LRRC8C: variants seen among roughly 807,000 people sequenced by gnomAD.
The protein encoded by LRRC8C is volume-regulated anion channel subunit LRRC8C.
Under a neutral mutation model 55.3 loss-of-function variants are expected in LRRC8C, and 20 were observed. That is an observed-to-expected ratio of 0.36 (90% CI 0.25 to 0.53). The LOEUF is 0.53. Ranked by LOEUF, LRRC8C falls within the 20% of genes least tolerant of loss-of-function variation. The probability of loss-of-function intolerance (pLI) is 0.92; values close to 1 mark genes in which losing one functional copy is unlikely to be tolerated. For missense variants in LRRC8C, 659 were observed against 951.4 expected (o/e 0.69, Z 4.04); for synonymous variants, 376 against 360.7 (o/e 1.04, Z -0.48).
In LRRC8C at chr1:89,715,305, T is replaced by A. The variant is rs1309511549; in HGVS notation, c.*323T>A. 5.7e-6 allele frequency: 1 copy of A among 175,672 alleles called. No individual in the cohort carries two copies. Among genetic ancestry groups the A allele is most frequent in the Non-Finnish European group, 1.2e-5 (1 of 84,428 alleles). 10.9% of individuals were successfully genotyped at this position (175,672 alleles called of 1,614,324 possible). A position where few individuals can be genotyped will look rare whatever the true frequency, so the allele number is the denominator to read the frequency against. ...AAGTTGCATGCTTTTTGGCATTTTT[T>A]AAATAGAGGAAGATATTTTGCCAAG... On this transcript the variant is annotated 3_prime_UTR_variant, in exon 3 of 3. Transcript: ENST00000370454.
chr1:89,656,198 A>T (rs71666224), intron 1 of LRRC8C, among the ~76,000 whole-genome samples: 3,363 of 152,264 alleles, frequency 0.022, 119 homozygotes, highest in Admixed American at 0.1. Context: ...TGTTTATCTC[A>T]CAGATTGCAG....
chr1:89,696,838 C>G (rs1349649916), intron 2 of LRRC8C, among the ~76,000 whole-genome samples: 1 of 152,052 alleles, frequency 6.6e-6, no homozygotes, highest in Non-Finnish European at 1.5e-5. Flanking sequence ...GTCTTTTCTC[C>G]CCAGAGATCA....
chr1:89,618,186 C>T, the LRRC8C span, among the ~76,000 whole-genome samples: 4 of 152,278 alleles, frequency 2.6e-5, no homozygotes, highest in South Asian at 8.3e-4. Context: ...TTCTGGTAAC[C>T]AGCCTCTGTC....
In LRRC8C at chr1:89,714,587, G is replaced by A; in HGVS notation, c.2017G>A (p.Glu673Lys). The stretch of plus-strand genomic sequence containing the variant: ...CCTGTCCTTTAGTCACAATAAAATA[G>A]AGGTGCTGCCTTCCCACCTCTTCCT... ...ERLSFSHNKI[E>K]VLPSHLFLCN... Residue 673 changes from glutamate to lysine, a missense_variant, in exon 3 of 3, where the codon GAG (glutamate) becomes AAG (lysine). By Grantham distance (56) the Glu-to-Lys change is moderately conservative (BLOSUM62 1). Transcript: ENST00000370454. This position sits in a 1 kb window ranked among gnomAD's most constrained non-coding sequence, Gnocchi z 4.6. 1 of 1,614,076 alleles carries A rather than the reference G, an allele frequency of 6.2e-7. No homozygotes were observed. The highest frequency in any genetic ancestry group is 1.1e-5 in the South Asian group (1 of 91,070).
chr1:89,633,963 T>A (rs923570197), intron 1 of LRRC8C, among the ~76,000 whole-genome samples: 1 of 152,132 alleles, frequency 6.6e-6, no homozygotes, highest in Non-Finnish European at 1.5e-5. Context: ...ATCTTTCCCT[T>A]TCCAGCTGGT....
At chr1:89,684,731 A>G (rs1657822139) in intron 1 of LRRC8C, among the ~76,000 whole-genome samples, 1 of 152,242 alleles carries the variant, frequency 6.6e-6, no homozygotes, top group South Asian at 2.1e-4. Flanking sequence ...AAAGTAATGT[A>G]TTGAGCTTTT....
intron 1 of LRRC8C, among the ~76,000 whole-genome samples, chr1:89,640,454 C>G (rs1025754524): frequency 2.6e-5 from 4 of 152,192 alleles, no homozygotes; most frequent in Non-Finnish European, 5.9e-5. Flanking sequence ...AAACTAGAAA[C>G]TGGCTCAAAT....
chr1:89,670,429 A>AT (rs999301509), intron 1 of LRRC8C, among the ~76,000 whole-genome samples: 1 of 151,680 alleles, frequency 6.6e-6, no homozygotes, highest in Non-Finnish European at 1.5e-5. Flanking sequence ...TGTTCTTGCC[A>AT]TTTTTTTTCT....
At chr1:89,687,174 A>G (rs1657907114) in intron 2 of LRRC8C, among the ~76,000 whole-genome samples, 1 of 152,244 alleles carries the variant, frequency 6.6e-6, no homozygotes, top group South Asian at 2.1e-4. Flanking sequence ...ACATGGATAC[A>G]TATAAGTAGT....
At chr1:89,699,556 C>A (rs1342185168) in intron 2 of LRRC8C, among the ~76,000 whole-genome samples, 1 of 152,112 alleles carries the variant, frequency 6.6e-6, no homozygotes, top group Non-Finnish European at 1.5e-5. Flanking sequence ...TTTAAAAAGT[C>A]TTTTTAAAAA....
chr1:89,714,579 A>G lies in LRRC8C; in HGVS notation c.2009A>G (p.Asn670Ser). ...TSLERLSFSH[N>S]KIEVLPSHLF... ...CTGGAACGCCTGTCCTTTAGTCACA[A>G]TAAAATAGAGGTGCTGCCTTCCCAC... is the stretch of plus-strand genomic sequence containing the variant. Residue 670 changes from asparagine (N) to serine (S), a missense_variant, in exon 3 of 3, where the codon AAT (asparagine) becomes AGT (serine). By Grantham distance (46) the Asn-to-Ser change is conservative (BLOSUM62 1). Around this residue, in one of 5 missense-constraint regions of LRRC8C, gnomAD observed 344 missense variants for 464.6 expected, o/e 0.74. Coordinates refer to ENST00000370454, the MANE Select transcript of LRRC8C (RefSeq NM_032270.5). The surrounding 1 kb of genome is among the most constrained non-coding windows in gnomAD (Gnocchi z 4.6). The G allele has an allele frequency of 6.2e-7, 1 of 1,614,166 alleles. No homozygotes were observed. Among genetic ancestry groups the G allele is most frequent in the South Asian group, 1.1e-5 (1 of 91,076 alleles).
At chr1:89,653,238 T>C (rs1348066313) in intron 1 of LRRC8C, among the ~76,000 whole-genome samples, 1 of 152,194 alleles carries the variant, frequency 6.6e-6, no homozygotes, top group Non-Finnish European at 1.5e-5. Context: ...AGCTCAGAAA[T>C]GTAAATCTGA....
chr1:89,700,911 A>G (rs559323878), intron 2 of LRRC8C, among the ~76,000 whole-genome samples: 30 of 152,334 alleles, frequency 2.0e-4, no homozygotes, highest in African/African-American at 7.2e-4. Context: ...ACAAGTTAAC[A>G]TATTGGAATG....
At chr1:89,666,999 G>C (rs1192187103) in intron 1 of LRRC8C, among the ~76,000 whole-genome samples, 3 of 152,132 alleles carry the variant, frequency 2.0e-5, no homozygotes, top group Admixed American at 1.3e-4. Context: ...GGGATGGCAT[G>C]CTCTTGCTTT....
rs1281039526 is a variant in LRRC8C at position 89,673,882 on chromosome 1, CAG to C, written c.-4-12582_-4-12581del. Among the ~76,000 whole-genome samples the C allele has an allele frequency of 2.0e-5, 3 of 152,178 alleles. No individual in the cohort carries two copies. In the East Asian group the frequency reaches 5.8e-4, roughly 29 times the overall value. On this transcript the variant is annotated intron_variant, in intron 1 of 2. Transcript: ENST00000370454. ...CCTGAAACTCTGGATGTGACGGAGTCAGAGAGATTGGGGACAGCTTCCCTGAG... is the reference window on the plus strand; with the variant it reads ...CCTGAAACTCTGGATGTGACGGAGTCAGAGATTGGGGACAGCTTCCCTGAG...
chr1:89,659,971 G>A (rs906964091), intron 1 of LRRC8C, among the ~76,000 whole-genome samples: 1 of 152,160 alleles, frequency 6.6e-6, no homozygotes. Context: ...GTAGGAAAGT[G>A]TTGATCTTGG....
chr1:89,685,357 C>T (rs915953639), intron 1 of LRRC8C, among the ~76,000 whole-genome samples: 1 of 150,074 alleles, frequency 6.7e-6, no homozygotes, highest in African/African-American at 2.5e-5. Flanking sequence ...CCTCATGATC[C>T]ACCCGCCTCG....
Position 89,714,863 on chromosome 1 carries a change from G to A in LRRC8C, c.2293G>A (p.Glu765Lys). The change falls in exon 3 of 3, where the codon GAA (glutamate) becomes AAA (lysine). Residue 765 changes from glutamate to lysine, a missense_variant. By Grantham distance (56) the Glu-to-Lys change is moderately conservative. Transcript: ENST00000370454. This position sits in a 1 kb window ranked among gnomAD's most constrained non-coding sequence, Gnocchi z 4.6. The stretch of plus-strand genomic sequence containing the variant: ...CTTAGATGTAAAAGGTAATCACTTT[G>A]AAATCCTCCCTCCTGAACTGGGTGA... Reference protein sequence around the residue: ...SYLDVKGNHFEILPPELGDCR... With the variant: ...SYLDVKGNHFKILPPELGDCR... 3.7e-6 allele frequency: 6 copies of A among 1,614,120 alleles called. No individual in the cohort carries two copies. Among genetic ancestry groups the A allele is most frequent in the Non-Finnish European group, 5.1e-6 (6 of 1,180,006 alleles).
chr1:89,685,985 A>C (rs1456278302), intron 1 of LRRC8C, among the ~76,000 whole-genome samples: 6 of 152,086 alleles, frequency 3.9e-5, no homozygotes, highest in Non-Finnish European at 8.8e-5. Flanking sequence ...AAAATGCTTT[A>C]TAAATAGGGC....
Sources: gnomAD v4.1 joint callset for allele counts (sites outside exome capture counted in the v4.1 genomes callset) on GRCh38, gnomAD v4.1.1 for gene constraint, gnomAD v4.1.1 regional missense constraint, Gnocchi (gnomAD v3.1) non-coding constraint, MANE v1.5 for transcripts, NCBI Gene and HGNC (gene_info 2026-07-23, HGNC 2026-07-21) for gene names.